Variants in EPB41L2 observed in about 807,000 individuals in gnomAD.
EPB41L2 encodes erythrocyte membrane protein band 4.1 like 2, also known as band 4.1-like protein 2.
EPB41L2 carries 43 observed loss-of-function variants against 113.0 expected under a neutral mutation model. The ratio of observed to expected loss-of-function variants is 0.38; its 90% CI spans 0.30 to 0.49. The LOEUF (loss-of-function observed/expected upper bound fraction) is 0.49, where lower values mean the gene tolerates loss of function less well. EPB41L2 is among the 20% of genes least tolerant of loss of function. The pLI is 0.95. For missense variants in EPB41L2, 1,147 were observed against 1,223.4 expected, an observed-to-expected ratio of 0.94 and a Z score of 0.93; for synonymous variants, 442 against 436.7, an observed-to-expected ratio of 1.01 and a Z score of -0.15.
chr6:130,865,000 A>G (rs1783267604), intron 17 of EPB41L2, among the ~76,000 whole-genome samples: 1 of 152,212 alleles, frequency 6.6e-6, no homozygotes, highest in African/African-American at 2.4e-5. Flanking sequence ...CACGCTATTT[A>G]TACTTCTAAC....
rs527513885 is a variant in EPB41L2 at position 130,915,145 on chromosome 6, T to C, written c.811-6282A>G. On this transcript the variant is annotated intron_variant, in intron 4 of 19. Transcript: ENST00000337057. ...GGTGAAACCCCGTCTCTACTAAAAA[T>C]ACAAAAAATTAGCCGGGCGTAGTGG... is the stretch of plus-strand genomic sequence containing the variant. Among the ~76,000 whole-genome samples the C allele has an allele frequency of 4.4e-4, 67 of 151,460 alleles. 1 individual carries two copies. The highest frequency in any genetic ancestry group is 7.5e-4 in the Non-Finnish European group (51 of 67,824).
At position 131,005,804 on chromosome 6, in the gene EPB41L2, T is replaced by C. The variant is rs377739959; in HGVS notation, c.-14-49305A>G. ...TTTACATCCCAACGCAGTTCACAAATACACAGTAAACACACCCAGTTTTAA... is the reference window on the plus strand; with the variant it reads ...TTTACATCCCAACGCAGTTCACAAACACACAGTAAACACACCCAGTTTTAA... On this transcript the variant is annotated intron_variant, in intron 1 of 19. Transcript: ENST00000337057. 7.9e-5 allele frequency among the ~76,000 whole-genome samples: 12 copies of C among 152,292 alleles called. No individual in the cohort carries two copies. In the East Asian group the frequency reaches 2.3e-3, roughly 29 times the overall value.
At chr6:130,919,908 T>C (rs1802334840) in intron 4 of EPB41L2, among the ~76,000 whole-genome samples, 2 of 152,206 alleles carry the variant, frequency 1.3e-5, no homozygotes, top group Non-Finnish European at 1.5e-5. Flanking sequence ...GCTACCCTAG[T>C]CACTCTTAAG....
At chr6:130,947,947 A>G (rs543378151) in intron 3 of EPB41L2, among the ~76,000 whole-genome samples, 9 of 152,246 alleles carry the variant, frequency 5.9e-5, no homozygotes, top group Non-Finnish European at 1.3e-4. Context: ...GTCACAGCTT[A>G]GAATTCAAGT....
intron 3 of EPB41L2, among the ~76,000 whole-genome samples, chr6:130,946,958 A>G (rs1235532183): frequency 6.6e-6 from 1 of 152,060 alleles, no homozygotes; most frequent in Non-Finnish European, 1.5e-5. Flanking sequence ...GCATCACAAA[A>G]AAAAATTATC....
chr6:130,873,174 C>T (rs2128454215), intron 14 of EPB41L2, among the ~76,000 whole-genome samples: 1 of 152,316 alleles, frequency 6.6e-6, no homozygotes, highest in East Asian at 1.9e-4. Flanking sequence ...GTAAATTACC[C>T]TGTCCCCTTT....
chr6:130,967,583 G>A (rs988034208), intron 1 of EPB41L2, among the ~76,000 whole-genome samples: 1 of 152,028 alleles, frequency 6.6e-6, no homozygotes, highest in Non-Finnish European at 1.5e-5. Context: ...AAACAGAATG[G>A]GAAGAGTCCT....
chr6:130,945,138 T>C (rs1258432063), intron 3 of EPB41L2, among the ~76,000 whole-genome samples: 1 of 152,194 alleles, frequency 6.6e-6, no homozygotes, highest in Non-Finnish European at 1.5e-5. Flanking sequence ...TGGAATCTTA[T>C]AGAGTGCCAT....
intron 1 of EPB41L2, among the ~76,000 whole-genome samples, chr6:130,979,374 A>G (rs1778857978): frequency 6.6e-6 from 1 of 151,852 alleles, no homozygotes; most frequent in Non-Finnish European, 1.5e-5. Flanking sequence ...ACACGCCTGT[A>G]ATCCCAGCTA....
At chr6:130,871,094 G>A (rs1785515930) in intron 14 of EPB41L2, among the ~76,000 whole-genome samples, 1 of 151,860 alleles carries the variant, frequency 6.6e-6, no homozygotes, top group Admixed American at 6.6e-5. Flanking sequence ...CTACTTCTTG[G>A]GAGTAAAGTA....
intron 19 of EPB41L2, among the ~76,000 whole-genome samples, chr6:130,848,199 TCACA>T (rs66469665): frequency 0.023 from 2,588 of 113,354 alleles, 53 homozygotes; most frequent in African/African-American, 0.075. Flanking sequence ...TCTCTCTCTC[TCACA>T]CACACACACA....
intron 1 of EPB41L2, among the ~76,000 whole-genome samples, chr6:130,975,999 G>T (rs917801132): frequency 1.3e-5 from 2 of 152,168 alleles, no homozygotes; most frequent in African/African-American, 4.8e-5. Flanking sequence ...TTGCACTCCA[G>T]CCTGGGCAAC....
intron 4 of EPB41L2, among the ~76,000 whole-genome samples, chr6:130,923,086 T>G (rs2128544943): frequency 6.6e-6 from 1 of 152,268 alleles, no homozygotes; most frequent in South Asian, 2.1e-4. Context: ...ACTCCAACCA[T>G]CCAGAAACCC....
intron 4 of EPB41L2, among the ~76,000 whole-genome samples, chr6:130,910,969 A>G (rs949026863): frequency 3.3e-5 from 5 of 152,212 alleles, no homozygotes; most frequent in Non-Finnish European, 7.3e-5. Context: ...CGGTGTGGTG[A>G]TTCCTCAAGG....
chr6:131,040,171 C>T (rs1298959335), intron 1 of EPB41L2, among the ~76,000 whole-genome samples: 1 of 152,194 alleles, frequency 6.6e-6, no homozygotes, highest in African/African-American at 2.4e-5. Flanking sequence ...GGTGCAGTGG[C>T]TCACACCTGC....
intron 3 of EPB41L2, among the ~76,000 whole-genome samples, chr6:130,944,035 T>C (rs1268494791): frequency 6.6e-6 from 1 of 152,118 alleles, no homozygotes; most frequent in Non-Finnish European, 1.5e-5. Flanking sequence ...TAGTTTTCAT[T>C]TACAATAAGC....
At chr6:130,952,627 T>C (rs375886147) in intron 3 of EPB41L2, among the ~76,000 whole-genome samples, 1 of 152,216 alleles carries the variant, frequency 6.6e-6, no homozygotes, top group East Asian at 1.9e-4. Flanking sequence ...ATCCTGGCCA[T>C]GGTGGAACCC....
intron 1 of EPB41L2, among the ~76,000 whole-genome samples, chr6:130,961,327 G>C (rs760928441): frequency 2.0e-5 from 3 of 152,182 alleles, no homozygotes; most frequent in Non-Finnish European, 4.4e-5. Flanking sequence ...GTTCGTCATT[G>C]TGACAGCTTC....
intron 1 of EPB41L2, among the ~76,000 whole-genome samples, chr6:131,049,368 C>T (rs896981612): frequency 6.6e-6 from 1 of 152,214 alleles, no homozygotes; most frequent in Non-Finnish European, 1.5e-5. Flanking sequence ...ACAGACCCAA[C>T]TCAGTACTTG....
Sources: gnomAD v4.1 joint callset for allele counts (sites outside exome capture counted in the v4.1 genomes callset) on GRCh38, gnomAD v4.1.1 for gene constraint, MANE v1.5 for transcripts, NCBI Gene and HGNC (gene_info 2026-07-23, HGNC 2026-07-21) for gene names.